The following ECT2L variants were observed in gnomAD, a reference collection of about 807,000 sequenced individuals.
ECT2L encodes epithelial cell-transforming sequence 2 oncogene-like.
Under a neutral mutation model 122.8 loss-of-function variants are expected in ECT2L, and 126 were observed. That is an observed-to-expected ratio of 1.03 (90% confidence interval 0.89 to 1.19). The LOEUF is 1.19. Ranked by LOEUF, ECT2L falls within the 50% of genes most tolerant of loss-of-function variation. The probability of loss-of-function intolerance (pLI) is 0.00; values close to 1 mark genes in which losing one functional copy is unlikely to be tolerated. For synonymous variants in ECT2L, 385 were observed against 381.8 expected, an observed-to-expected ratio of 1.01 and a Z score of -0.10; for missense variants, 1,012 against 1,064.1, an observed-to-expected ratio of 0.95 and a Z score of 0.68.
chr6:138,827,809 C>T (rs891756532), intron 4 of ECT2L, among the ~76,000 whole-genome samples: 1 of 152,182 alleles, frequency 6.6e-6, no homozygotes, highest in Non-Finnish European at 1.5e-5. Context: ...CCACCAGCCT[C>T]GGATTCCCAA....
At chr6:138,848,553 G>A (rs995406471) in intron 8 of ECT2L, among the ~76,000 whole-genome samples, 4 of 152,118 alleles carry the variant, frequency 2.6e-5, no homozygotes, top group African/African-American at 9.7e-5. Context: ...GTTTCTATTT[G>A]TAACAAAATA....
chr6:138,865,047 A>G lies in ECT2L; in HGVS notation c.1343A>G (p.Tyr448Cys), dbSNP rs531293772. 1.8e-5 allele frequency: 29 copies of G among 1,614,032 alleles called. No homozygotes were observed. The highest frequency in any genetic ancestry group is 1.1e-4 in the African/African-American group (8 of 75,050). ...TGGGGAAAGGCCCCCTCTTCCATCT[A>G]CTTCTGCGAATCGAAGCTACAGACG... ...SQWGKAPSSIYFCESKLQTWS... is the reference protein window; with the variant it reads ...SQWGKAPSSICFCESKLQTWS... Residue 448 changes from tyrosine to cysteine, a missense_variant, in exon 12 of 22, where the codon TAC (tyrosine) becomes TGC (cysteine). Physicochemically the swap from Tyr to Cys is radical, Grantham distance 194. Coordinates refer to ENST00000541398, the MANE Select transcript of ECT2L (RefSeq NM_001077706.3).
chr6:138,897,449 C>A (rs1404969811), intron 20 of ECT2L, among the ~76,000 whole-genome samples: 2 of 152,024 alleles, frequency 1.3e-5, no homozygotes, highest in African/African-American at 4.8e-5. Context: ...ATGCAAATAC[C>A]AAGCATCCTC....
At chr6:138,807,084 G>A (rs967531944) in intron 1 of ECT2L, among the ~76,000 whole-genome samples, 2 of 151,676 alleles carry the variant, frequency 1.3e-5, no homozygotes, top group Admixed American at 1.3e-4. Context: ...GGAAGAGAAA[G>A]AGGAAGGGTT....
chr6:138,846,584 A>C lies in ECT2L; in HGVS notation c.810A>C (p.Lys270Asn). ...ATTCCTACCCTTTATTATCAAAGAA[A>C]AATTGGCATGGAGTTCATAAAAATG... ...GSHSYPLLSK[K>N]NWHGVHKNDD... The change falls in exon 8 of 22, where the codon AAA becomes AAC. Residue 270 changes from lysine (K) to asparagine (N), a missense_variant. Lys to Asn is a moderately conservative substitution (Grantham distance 94). Coordinates refer to ENST00000541398, the MANE Select transcript of ECT2L (RefSeq NM_001077706.3). 1 of 1,609,650 alleles carries C rather than the reference A, an allele frequency of 6.2e-7. No individual in the cohort carries two copies. The highest frequency in any genetic ancestry group is 2.2e-5 in the East Asian group (1 of 44,844).
chr6:138,880,774 T>C (rs1335783188), intron 14 of ECT2L, among the ~76,000 whole-genome samples, 183 bp from the exon 15 acceptor site: 4 of 152,142 alleles, frequency 2.6e-5, no homozygotes, highest in Non-Finnish European at 5.9e-5. Flanking sequence ...GCTGGCCCCA[T>C]ATGAGGGGCT....
chr6:138,798,390 A>G (rs375717608), intron 1 of ECT2L, among the ~76,000 whole-genome samples: 30 of 152,146 alleles, frequency 2.0e-4, no homozygotes, highest in Admixed American at 3.9e-4. Context: ...TGAACAAAAG[A>G]TGCTCCTATC....
At chr6:138,834,894 TACACACACACAC>T (rs544584441) in intron 4 of ECT2L, among the ~76,000 whole-genome samples, 88 of 137,422 alleles carry the variant, frequency 6.4e-4, no homozygotes, top group Middle Eastern at 3.5e-3. Flanking sequence ...TGCCCCCGTT[TACACACACACAC>T]ACACACACAC....
chr6:138,886,864 A>T lies in ECT2L; in HGVS notation c.2267A>T (p.Gln756Leu), dbSNP rs1289526422. Residue 756 changes from glutamine (Q) to leucine (L), a missense_variant, in exon 19 of 22, where the codon CAA becomes CTA. Gln to Leu is a moderately radical substitution (Grantham distance 113). Transcript: ENST00000541398. Reference sequence around the variant, plus strand: ...GTACTTTTTTTCCCCTAGATGAAGCAAAACATCACTATGAAGGATCATCTG... The same window carrying T: ...GTACTTTTTTTCCCCTAGATGAAGCTAAACATCACTATGAAGGATCATCTG... ...KYKGYIDQMK[Q>L]NITMKDHLSD... 6.2e-7 allele frequency: 1 copy of T among 1,613,378 alleles called. No homozygotes were observed. The highest frequency in any genetic ancestry group is 1.7e-5 in the Admixed American group (1 of 59,976).
chr6:138,833,848 A>T (rs546962031), intron 4 of ECT2L, among the ~76,000 whole-genome samples: 13 of 152,082 alleles, frequency 8.5e-5, no homozygotes, highest in Non-Finnish European at 1.8e-4. Context: ...CAGGGACTGA[A>T]ACTGGGGTAT....
intron 6 of ECT2L, among the ~76,000 whole-genome samples, 200 bp downstream of exon 6, chr6:138,843,431 A>G (rs1435094261): frequency 6.6e-6 from 1 of 152,210 alleles, no homozygotes; most frequent in Non-Finnish European, 1.5e-5. Context: ...GACAAAATAC[A>G]TAAGGTTAAA....
intron 10 of ECT2L, among the ~76,000 whole-genome samples, chr6:138,855,894 T>C (rs1437815856): frequency 6.6e-6 from 1 of 152,218 alleles, no homozygotes; most frequent in African/African-American, 2.4e-5. Context: ...GGGAAAGTAT[T>C]GAAAGGCAGA....
chr6:138,860,369 T>C (rs1012414334), intron 10 of ECT2L, among the ~76,000 whole-genome samples: 4 of 152,114 alleles, frequency 2.6e-5, no homozygotes, highest in African/African-American at 9.7e-5. Context: ...TATGGCTAGT[T>C]GTTTCTTCAC....
chr6:138,808,734 T>G (rs1381696985), intron 1 of ECT2L, among the ~76,000 whole-genome samples: 2 of 151,074 alleles, frequency 1.3e-5, no homozygotes, highest in African/African-American at 4.9e-5. Context: ...CTTTTCTTTT[T>G]TTTTTTTTTT....
At chr6:138,897,620 G>A (rs1362408477) in intron 20 of ECT2L, among the ~76,000 whole-genome samples, 2 of 152,132 alleles carry the variant, frequency 1.3e-5, no homozygotes, top group Non-Finnish European at 2.9e-5. Context: ...ATCTTGAGGG[G>A]CTTAATTTAG....
intron 10 of ECT2L, among the ~76,000 whole-genome samples, chr6:138,861,605 C>A (rs2038445): frequency 0.26 from 40,150 of 151,828 alleles, 6,564 homozygotes; most frequent in Admixed American, 0.38. Context: ...TGTTTAAGTT[C>A]CTTGTAGATT....
Position 138,813,182 on chromosome 6 carries a change from T to C in ECT2L, c.-93T>C. ...ATTGGTTATTTCTAGGTGATCTTAA[T>C]TGCACACCTATTGAAATAAACCTGT... On this transcript the variant is annotated 5_prime_UTR_variant, in exon 3 of 22. Coordinates refer to ENST00000541398, the MANE Select transcript of ECT2L (RefSeq NM_001077706.3). 1 of 796,280 alleles carries C rather than the reference T, an allele frequency of 1.3e-6. No individual in the cohort carries two copies. Among genetic ancestry groups the C allele is most frequent in the Non-Finnish European group, 2.1e-6 (1 of 479,344 alleles). 49.3% of individuals were successfully genotyped at this position (796,280 alleles called of 1,614,324 possible). A position where few individuals can be genotyped will look rare whatever the true frequency, so the allele number is the denominator to read the frequency against.
intron 13 of ECT2L, among the ~76,000 whole-genome samples, chr6:138,873,890 G>GTGTGTGTGTGTA (rs1554276976): frequency 3.1e-5 from 4 of 130,606 alleles, no homozygotes; most frequent in Non-Finnish European, 4.9e-5. Context: ...GTGTGTGTGT[G>GTGTGTGTGTGTA]TGTGTGTGTG....
At chr6:138,796,457 A>G (rs1013908347) in intron 1 of ECT2L, among the ~76,000 whole-genome samples, 1 of 152,224 alleles carries the variant, frequency 6.6e-6, no homozygotes, top group African/African-American at 2.4e-5. Context: ...TACCTCCTCC[A>G]GAGAACTGAT....
Sources: allele counts gnomAD v4.1 joint callset (sites outside exome capture counted in the v4.1 genomes callset), GRCh38; gene constraint gnomAD v4.1.1; transcripts MANE v1.5; gene names NCBI Gene and HGNC (gene_info 2026-07-23, HGNC 2026-07-21).